LRRC3B: variants seen among roughly 807,000 people sequenced by gnomAD.
LRRC3B encodes the protein leucine rich repeat containing 3B.
In LRRC3B, 2 loss-of-function variants were observed where a neutral mutation model predicts 12.8. That is an observed-to-expected ratio of 0.16 (90% CI 0.06 to 0.49). LRRC3B has a LOEUF of 0.49. Among genes scored for constraint, LRRC3B ranks in the 20% least tolerant of loss-of-function variants. The probability of loss-of-function intolerance (pLI) is 0.96; values close to 1 mark genes in which losing one functional copy is unlikely to be tolerated. For synonymous variants in LRRC3B, 132 were observed against 122.0 expected (o/e 1.08, Z -0.54); for missense variants, 189 against 319.4 (o/e 0.59, Z 3.11).
intron 1 of LRRC3B, among the ~76,000 whole-genome samples, chr3:26,669,105 C>A (rs1653999158): frequency 6.6e-6 from 1 of 152,176 alleles, no homozygotes; most frequent in South Asian, 2.1e-4. Context: ...ATCCAAAAGT[C>A]CTACTGAATT....
At chr3:26,654,808 G>C (rs1164123504) in intron 1 of LRRC3B, among the ~76,000 whole-genome samples, 5 of 152,112 alleles carry the variant, frequency 3.3e-5, no homozygotes, top group African/African-American at 4.8e-5. Flanking sequence ...TATTTTGTTT[G>C]TTTGTTAATG....
intron 1 of LRRC3B, among the ~76,000 whole-genome samples, chr3:26,638,177 T>C (rs944014382): frequency 2.0e-5 from 3 of 152,164 alleles, no homozygotes; most frequent in Non-Finnish European, 2.9e-5. Context: ...CAAGTGAAAA[T>C]TGACCAATAC....
At chr3:26,662,040 A>G (rs1575137832) in intron 1 of LRRC3B, among the ~76,000 whole-genome samples, 1 of 152,288 alleles carries the variant, frequency 6.6e-6, no homozygotes, top group East Asian at 1.9e-4. Context: ...TGTCCTTAAC[A>G]TATCACCCCA....
At chr3:26,646,144 A>C (rs1380112921) in intron 1 of LRRC3B, among the ~76,000 whole-genome samples, 1 of 152,232 alleles carries the variant, frequency 6.6e-6, no homozygotes, top group Admixed American at 6.5e-5. Context: ...AGCTTAATCC[A>C]AAAACCATAG....
chr3:26,623,128 G>A (rs968932376), exon 1 of LRRC3B: 14 of 152,154 alleles, frequency 9.2e-5, no homozygotes, highest in African/African-American at 3.4e-4. Flanking sequence ...GGTTGGAGGT[G>A]GCGGCCGCTG....
chr3:26,649,679 G>A (rs1011768977), intron 1 of LRRC3B, among the ~76,000 whole-genome samples: 1 of 152,084 alleles, frequency 6.6e-6, no homozygotes, highest in Non-Finnish European at 1.5e-5. Flanking sequence ...ATCACTGACA[G>A]ATTCATCATG....
chr3:26,642,056 G>C (rs998375061), intron 1 of LRRC3B, among the ~76,000 whole-genome samples: 4 of 152,152 alleles, frequency 2.6e-5, no homozygotes, highest in African/African-American at 9.7e-5. Flanking sequence ...TATTTCCTGA[G>C]AAGAGTGGTA....
chr3:26,671,409 G>GAC (rs1699742102), intron 1 of LRRC3B, among the ~76,000 whole-genome samples: 1 of 131,298 alleles, frequency 7.6e-6, no homozygotes, highest in Non-Finnish European at 1.6e-5. Flanking sequence ...GAGAGAGAGA[G>GAC]AGAGACGAAG....
chr3:26,673,828 C>CATTA (rs1191517427), intron 1 of LRRC3B, among the ~76,000 whole-genome samples: 1 of 152,156 alleles, frequency 6.6e-6, no homozygotes, highest in Non-Finnish European at 1.5e-5. Context: ...TAATGTAGTG[C>CATTA]ATTAATTGGT....
chr3:26,708,613 A>G (rs1700666648), intron 1 of LRRC3B, among the ~76,000 whole-genome samples: 1 of 152,136 alleles, frequency 6.6e-6, no homozygotes, highest in Non-Finnish European at 1.5e-5. Context: ...GAGTTAACTT[A>G]TATTCTTATC....
chr3:26,638,608 A>G (rs928976520), intron 1 of LRRC3B, among the ~76,000 whole-genome samples: 2 of 152,222 alleles, frequency 1.3e-5, no homozygotes, highest in Admixed American at 6.5e-5. Context: ...AAAAGAATGT[A>G]ATTTACTGGT....
intron 1 of LRRC3B, among the ~76,000 whole-genome samples, chr3:26,662,772 C>T (rs1183421985): frequency 1.3e-5 from 2 of 152,186 alleles, no homozygotes; most frequent in Admixed American, 1.3e-4. Context: ...CAGCCCACTT[C>T]TTTAGTGAAC....
At chr3:26,631,333 C>T (rs777120404) in intron 1 of LRRC3B, among the ~76,000 whole-genome samples, 2 of 152,204 alleles carry the variant, frequency 1.3e-5, no homozygotes, top group African/African-American at 4.8e-5. Flanking sequence ...GTTTCAACTT[C>T]CCCTCCAACA....
intron 1 of LRRC3B, among the ~76,000 whole-genome samples, chr3:26,691,473 G>A (rs1204508550): frequency 6.6e-6 from 1 of 152,028 alleles, no homozygotes; most frequent in Non-Finnish European, 1.5e-5. Context: ...TCAACTCCAA[G>A]CTGCTTACCC....
At position 26,672,083 on chromosome 3, in the gene LRRC3B, A is replaced by AAAG. The variant is rs1375471420; in HGVS notation, c.-160-37426_-160-37424dup. Among the ~76,000 whole-genome samples, 4 of 152,308 alleles carry AAAG rather than the reference A, an allele frequency of 2.6e-5. No homozygotes were observed. In the East Asian group the frequency reaches 7.7e-4, roughly 29 times the overall value. Reference sequence around the variant, plus strand: ...CCCCAGCTCCAGGCTTTAACCATTTAAAGAAGTTGTTGCTCAGTAACTGAG... The same window carrying AAAG: ...CCCCAGCTCCAGGCTTTAACCATTTAAAGAAGAAGTTGTTGCTCAGTAACTGAG... On this transcript the variant is annotated intron_variant, in intron 1 of 1. Transcript: ENST00000396641.
At chr3:26,648,302 A>G (rs143535759) in intron 1 of LRRC3B, among the ~76,000 whole-genome samples, 14 of 152,274 alleles carry the variant, frequency 9.2e-5, no homozygotes, top group African/African-American at 2.9e-4. Flanking sequence ...CCTAATAAAG[A>G]CTAAATCAGA....
At chr3:26,629,758 C>G (rs181642436) in intron 1 of LRRC3B, among the ~76,000 whole-genome samples, 1 of 152,102 alleles carries the variant, frequency 6.6e-6, no homozygotes, top group Admixed American at 6.5e-5. Context: ...AACTGTGGCT[C>G]AGAAACAGTG....
At chr3:26,696,488 G>T (rs1700321161) in intron 1 of LRRC3B, among the ~76,000 whole-genome samples, 1 of 152,136 alleles carries the variant, frequency 6.6e-6, no homozygotes, top group Non-Finnish European at 1.5e-5. Context: ...CTGTAAATTT[G>T]ATCAGACTCT....
intron 1 of LRRC3B, among the ~76,000 whole-genome samples, chr3:26,649,299 C>A (rs1239389962): frequency 1.3e-5 from 2 of 152,210 alleles, no homozygotes; most frequent in East Asian, 1.9e-4. Context: ...GCAGCCTCTA[C>A]TGGTCTTAGT....
Sources: allele counts gnomAD v4.1 joint callset (sites outside exome capture counted in the v4.1 genomes callset), GRCh38; gene constraint gnomAD v4.1.1; transcripts MANE v1.5; gene names NCBI Gene and HGNC (gene_info 2026-07-23, HGNC 2026-07-21).